SCYL2: variants seen among roughly 807,000 people sequenced by gnomAD.
SCYL2 encodes the protein SCY1 like pseudokinase 2.
Under a neutral mutation model 100.4 loss-of-function variants are expected in SCYL2, and 36 were observed. That is an observed-to-expected ratio of 0.36 (90% CI 0.27 to 0.47). SCYL2 has a LOEUF of 0.47. Ranked by LOEUF, SCYL2 falls within the 20% of genes least tolerant of loss-of-function variation. SCYL2 has a pLI of 1.00. For synonymous variants in SCYL2, 330 were observed against 359.2 expected, an observed-to-expected ratio of 0.92 and a Z score of 0.92; for missense variants, 902 against 1,083.9, an observed-to-expected ratio of 0.83 and a Z score of 2.36.
At chr12:100,293,108 G>T (rs1592938809) in intron 3 of SCYL2, among the ~76,000 whole-genome samples, 1 of 151,980 alleles carries the variant, frequency 6.6e-6, no homozygotes, top group Admixed American at 6.6e-5. Flanking sequence ...GAGTGACTGT[G>T]CCTGGCCTCT....
chr12:100,326,586 CTT>C, intron 11 of SCYL2, 34 bp from the exon 12 acceptor site: 2 of 1,487,486 alleles, frequency 1.3e-6, no homozygotes, highest in South Asian at 2.8e-5. Flanking sequence ...ATTTTGAAAA[CTT>C]TTAATGACTA....
At chr12:100,327,926 C>T (rs1289635072) in intron 12 of SCYL2, among the ~76,000 whole-genome samples, 7 of 152,118 alleles carry the variant, frequency 4.6e-5, no homozygotes, top group Non-Finnish European at 7.3e-5. Flanking sequence ...TATTGTGGAC[C>T]TCTATAGACA....
intron 3 of SCYL2, among the ~76,000 whole-genome samples, chr12:100,294,877 C>A (rs1346821677): frequency 6.6e-6 from 1 of 151,414 alleles, no homozygotes; most frequent in Non-Finnish European, 1.5e-5. Context: ...GGCTGCCGGG[C>A]GGAGAGGCTC....
Position 100,323,602 on chromosome 12 carries a change from A to C in SCYL2, c.1473A>C (p.Arg491Ser), listed in dbSNP as rs2096358641. 6.2e-7 allele frequency: 1 copy of C among 1,602,408 alleles called. No individual in the cohort carries two copies. The highest frequency in any genetic ancestry group is 8.5e-7 in the Non-Finnish European group (1 of 1,173,656). ...CCATGAAAAACGCTTTGATACCAAGAATTAAAAATGCTTGTCTACAAACAT... is the reference window on the plus strand; with the variant it reads ...CCATGAAAAACGCTTTGATACCAAGCATTAAAAATGCTTGTCTACAAACAT... ...YPSMKNALIP[R>S]IKNACLQTSS... The change falls in exon 11 of 18, where the codon AGA becomes AGC. Residue 491 changes from arginine (R) to serine (S), a missense_variant. By Grantham distance (110) the Arg-to-Ser change is moderately radical. Coordinates refer to ENST00000360820, the MANE Select transcript of SCYL2 (RefSeq NM_017988.6).
chr12:100,271,731 C>G (rs868831545), intron 1 of SCYL2, among the ~76,000 whole-genome samples: 2 of 152,016 alleles, frequency 1.3e-5, no homozygotes, highest in African/African-American at 2.4e-5. Flanking sequence ...GTGACTTCAA[C>G]AAAAATGGAA....
In SCYL2 at chr12:100,339,066, G is replaced by C. The variant is rs746231749; in HGVS notation, c.2684G>C (p.Gly895Ala). The C allele has an allele frequency of 6.2e-7, 1 of 1,614,076 alleles. No individual in the cohort carries two copies. ...AACGTGATAGGACAATCTGCTTTTG[G>C]TATGCAGGGTAATCCTTTCTTTAAC... is the stretch of plus-strand genomic sequence containing the variant. ...QMNVIGQSAF[G>A]MQGNPFFNPQ... Residue 895 changes from glycine (G) to alanine (A), a missense_variant, in exon 18 of 18, where the codon GGT (glycine) becomes GCT (alanine). Transcript: ENST00000360820.
chr12:100,337,580 A>G (rs1016375214), intron 17 of SCYL2, 74 bp downstream of exon 17: 1 of 1,356,000 alleles, frequency 7.4e-7, no homozygotes, highest in Non-Finnish European at 1.0e-6. Flanking sequence ...AACTTAGTCT[A>G]CTAGTATTTG....
rs1433849435 is a variant in SCYL2, at chr12:100,339,183, T to A, written c.*11T>A. On this transcript the variant is annotated 3_prime_UTR_variant, in exon 18 of 18. Coordinates refer to ENST00000360820, the MANE Select transcript of SCYL2 (RefSeq NM_017988.6). ...GATCTTTTTGGGTGAGGTGTCTTAC[T>A]TCTATTTTGAAGGATTATTTCAGTT... 1 of 1,604,084 alleles carries A rather than the reference T, an allele frequency of 6.2e-7. No individual in the cohort carries two copies. Among genetic ancestry groups the A allele is most frequent in the Non-Finnish European group, 8.5e-7 (1 of 1,175,920 alleles).
At chr12:100,275,537 C>CA (rs1386400253) in intron 1 of SCYL2, among the ~76,000 whole-genome samples, 1 of 152,200 alleles carries the variant, frequency 6.6e-6, no homozygotes, top group Non-Finnish European at 1.5e-5. Flanking sequence ...TTGTATTCTA[C>CA]TATATTGCCA....
chr12:100,285,526 A>G (rs1307578991), intron 2 of SCYL2, among the ~76,000 whole-genome samples: 2 of 152,176 alleles, frequency 1.3e-5, no homozygotes, highest in African/African-American at 4.8e-5. Context: ...TTCCACCAGC[A>G]GTTACAGTTT....
At chr12:100,273,548 A>T (rs539229986) in intron 1 of SCYL2, among the ~76,000 whole-genome samples, 19 of 152,156 alleles carry the variant, frequency 1.2e-4, no homozygotes, top group Non-Finnish European at 2.4e-4. Flanking sequence ...ATGAATTTCC[A>T]TGCCTGTTCT....
chr12:100,283,077 G>C lies in SCYL2; in HGVS notation c.107G>C (p.Arg36Pro). 5 of 1,613,176 alleles carry C rather than the reference G, an allele frequency of 3.1e-6. No individual in the cohort carries two copies. The highest frequency in any genetic ancestry group is 4.2e-6 in the Non-Finnish European group (5 of 1,179,686). Residue 36 changes from arginine (R) to proline (P), a missense_variant, in exon 2 of 18, where the codon CGA (arginine) becomes CCA (proline). By Grantham distance (103) the Arg-to-Pro change is moderately radical (BLOSUM62 -2). Transcript: ENST00000360820. ...GTCACTAGAGAATTTGATGTTGGTC[G>C]ACACATTGCCAGTGGTGGCAATGGG... ...NPVTREFDVG[R>P]HIASGGNGLA...
At chr12:100,301,640 A>C (rs1056263067) in intron 4 of SCYL2, among the ~76,000 whole-genome samples, 1 of 152,208 alleles carries the variant, frequency 6.6e-6, no homozygotes, top group Non-Finnish European at 1.5e-5. Context: ...CATTTAATCT[A>C]TGGTGCAGAT....
chr12:100,292,835 G>A (rs188405826), intron 3 of SCYL2, among the ~76,000 whole-genome samples: 3 of 151,998 alleles, frequency 2.0e-5, no homozygotes, highest in East Asian at 3.9e-4. Context: ...TTGATTGATC[G>A]AGACAAGAGT....
chr12:100,296,523 G>C (rs1364841232), intron 3 of SCYL2, among the ~76,000 whole-genome samples: 1 of 152,102 alleles, frequency 6.6e-6, no homozygotes, highest in Non-Finnish European at 1.5e-5. Context: ...CAGGAGAATT[G>C]GCAGCATGTC....
At chr12:100,315,525 AT>A (rs759997367) in intron 8 of SCYL2, 32 bp from the exon 9 acceptor site, 334 of 1,483,394 alleles carry the variant, frequency 2.3e-4, no homozygotes, top group South Asian at 6.2e-4. Context: ...AATAAATTTT[AT>A]TTTTTTTTTA....
At chr12:100,311,302 CT>C in intron 5 of SCYL2, 109 bp downstream of exon 5, 1 of 1,047,840 alleles carries the variant, frequency 9.5e-7, no homozygotes, top group Non-Finnish European at 1.3e-6. Context: ...AGATATACAG[CT>C]TTATAGAAAA....
intron 2 of SCYL2, among the ~76,000 whole-genome samples, chr12:100,285,355 G>A (rs1238021825): frequency 6.6e-6 from 1 of 152,206 alleles, no homozygotes; most frequent in African/African-American, 2.4e-5. Context: ...TATCTGTGTT[G>A]TTGAACAATG....
chr12:100,294,750 A>C (rs1259051910), intron 3 of SCYL2, among the ~76,000 whole-genome samples: 3 of 88,158 alleles, frequency 3.4e-5, no homozygotes, highest in African/African-American at 4.7e-5. Context: ...TGGGGGGCTG[A>C]CCCCCCCACC....
Sources: gnomAD v4.1 joint callset for allele counts (sites outside exome capture counted in the v4.1 genomes callset) on GRCh38, gnomAD v4.1.1 for gene constraint, MANE v1.5 for transcripts, NCBI Gene and HGNC (gene_info 2026-07-23, HGNC 2026-07-21) for gene names.